IL1RAPL1: variants seen among roughly 807,000 people sequenced by gnomAD.
The protein encoded by IL1RAPL1 is interleukin 1 receptor accessory protein like 1.
In IL1RAPL1, 3 loss-of-function variants were observed where a neutral mutation model predicts 48.4. The observed-to-expected ratio is 0.06, with a 90% CI of 0.03 to 0.16. The LOEUF (loss-of-function observed/expected upper bound fraction) is 0.16, where lower values mean the gene tolerates loss of function less well. Among genes scored for constraint, IL1RAPL1 ranks in the 10% least tolerant of loss-of-function variants. The pLI is 1.00. For synonymous variants in IL1RAPL1, 185 were observed against 187.7 expected, an observed-to-expected ratio of 0.99 and a Z score of 0.12; for missense variants, 349 against 530.6, an observed-to-expected ratio of 0.66 and a Z score of 3.36.
intron 5 of IL1RAPL1, among the ~76,000 whole-genome samples, chrX:29,597,149 A>ATTTTTTTTTTTTTTTTTTTT (rs35180262): frequency 3.6e-5 from 2 of 55,969 alleles, no homozygotes; most frequent in African/African-American, 1.3e-4. Flanking sequence ...TTTGTTGAGG[A>ATTTTTTTTTTTTTTTTTTTT]TTTTTTTTTT....
chrX:29,387,915 C>T (rs1476407923), intron 3 of IL1RAPL1, among the ~76,000 whole-genome samples: 3 of 106,976 alleles, frequency 2.8e-5, no homozygotes, highest in Non-Finnish European at 5.8e-5. Context: ...ATTCCTTGAA[C>T]GTAGGAGGTG....
intron 6 of IL1RAPL1, among the ~76,000 whole-genome samples, chrX:29,879,878 G>A (rs755275572): frequency 1.6e-4 from 18 of 110,694 alleles, no homozygotes; most frequent in South Asian, 1.1e-3. Context: ...GACAAGTTCC[G>A]TAAGTGTAAA....
chrX:29,919,261 TG>T (rs1413253852), intron 7 of IL1RAPL1, among the ~76,000 whole-genome samples: 1 of 111,920 alleles, frequency 8.9e-6, no homozygotes, highest in Non-Finnish European at 1.9e-5. Context: ...CTAAAATAAA[TG>T]AAGGACAATT....
At chrX:29,354,300 A>T (rs768735942) in intron 3 of IL1RAPL1, among the ~76,000 whole-genome samples, 1 of 111,245 alleles carries the variant, frequency 9.0e-6, no homozygotes, top group African/African-American at 3.3e-5. Context: ...TGTTGATGAC[A>T]ATGACTACTT....
chrX:29,751,352 C>T (rs907867448), intron 6 of IL1RAPL1, among the ~76,000 whole-genome samples: 6 of 111,377 alleles, frequency 5.4e-5, no homozygotes, highest in Non-Finnish European at 9.4e-5. Context: ...AACTGCTTAT[C>T]ATTACTGAAT....
At chrX:29,095,810 T>C (rs1475196314) in intron 2 of IL1RAPL1, among the ~76,000 whole-genome samples, 2 of 108,931 alleles carry the variant, frequency 1.8e-5, no homozygotes, top group Admixed American at 9.9e-5. Flanking sequence ...GAGGGCTGCC[T>C]AGAGATAAGA....
chrX:29,584,008 C>G (rs1276719046), intron 5 of IL1RAPL1, among the ~76,000 whole-genome samples: 1 of 111,540 alleles, frequency 9.0e-6, no homozygotes, highest in African/African-American at 3.3e-5. Context: ...TAGATAGAGT[C>G]TAAGATTGCT....
rs758706873 is a variant in IL1RAPL1, at chrX:29,265,718, G to A, written c.83-17220G>A. 3.2e-3 allele frequency among the ~76,000 whole-genome samples: 317 copies of A among 99,976 alleles called. 2 individuals are homozygous for A. Among genetic ancestry groups the A allele is most frequent in the South Asian group, 0.012 (24 of 2,009 alleles). 86.8% of individuals were successfully genotyped at this position (99,976 alleles called of 115,157 possible). A position where few individuals can be genotyped will look rare whatever the true frequency, so the allele number is the denominator to read the frequency against. On this transcript the variant is annotated intron_variant, in intron 2 of 10. Coordinates refer to ENST00000378993, the MANE Select transcript of IL1RAPL1 (RefSeq NM_014271.4). ...TTCCCACCTATGAGTGAGAATATGC[G>A]GTGTTTGGTTTTTTGTTCTTGCGAT...
At chrX:29,676,058 G>A (rs1472131393) in intron 6 of IL1RAPL1, among the ~76,000 whole-genome samples, 2 of 111,297 alleles carry the variant, frequency 1.8e-5, no homozygotes, top group East Asian at 5.6e-4. Flanking sequence ...TACAGTAGTG[G>A]CTCCCAGTTG....
At chrX:28,906,412 A>G (rs1413757958) in intron 2 of IL1RAPL1, among the ~76,000 whole-genome samples, 4 of 111,985 alleles carry the variant, frequency 3.6e-5, no homozygotes, top group African/African-American at 1.3e-4. Context: ...AGTAAGTGGG[A>G]GTGTGGTAGG....
chrX:29,449,738 TACACACACACAC>T (rs539577442), intron 5 of IL1RAPL1, among the ~76,000 whole-genome samples: 10 of 63,926 alleles, frequency 1.6e-4, no homozygotes, highest in South Asian at 1.2e-3. Context: ...TACATATGCA[TACACACACACAC>T]ACACACACAC....
At chrX:29,439,775 A>G (rs1934521359) in intron 5 of IL1RAPL1, among the ~76,000 whole-genome samples, 2 of 109,528 alleles carry the variant, frequency 1.8e-5, no homozygotes, top group Admixed American at 9.8e-5. Flanking sequence ...TTAATGAGAA[A>G]ATGCTTCAGA....
At chrX:28,753,363 TATC>T (rs1211434363) in intron 1 of IL1RAPL1, among the ~76,000 whole-genome samples, 3 of 112,244 alleles carry the variant, frequency 2.7e-5, no homozygotes, top group Non-Finnish European at 5.6e-5. Context: ...TATGGGAAAA[TATC>T]ATCATACTGC....
chrX:29,114,667 G>A (rs1212312694), intron 2 of IL1RAPL1, among the ~76,000 whole-genome samples: 2 of 110,418 alleles, frequency 1.8e-5, no homozygotes, highest in Non-Finnish European at 3.8e-5. Flanking sequence ...CACTCTTGTT[G>A]GCCAGGCTGG....
intron 9 of IL1RAPL1, among the ~76,000 whole-genome samples, chrX:29,943,545 A>G (rs1011658666): frequency 8.9e-6 from 1 of 112,046 alleles, no homozygotes; most frequent in African/African-American, 3.2e-5. Context: ...TATTTTTTTT[A>G]AATTTAGTAT....
chrX:29,555,412 C>T (rs940099857), intron 5 of IL1RAPL1, among the ~76,000 whole-genome samples: 9 of 112,065 alleles, frequency 8.0e-5, no homozygotes, highest in Non-Finnish European at 1.5e-4. Flanking sequence ...ACATCCATTT[C>T]AAGGCAGACA....
rs193214429 is a variant in IL1RAPL1 at position 29,105,158 on chromosome X, G to T, written c.83-177780G>T. Among the ~76,000 whole-genome samples, 348 of 111,677 alleles carry T rather than the reference G, an allele frequency of 3.1e-3. 5 individuals are homozygous for T. The highest frequency in any genetic ancestry group is 0.03 in the Admixed American group (315 of 10,460). On this transcript the variant is annotated intron_variant, in intron 2 of 10. Coordinates refer to ENST00000378993, the MANE Select transcript of IL1RAPL1 (RefSeq NM_014271.4). ...ATTCTCTATATAAAGGAAGACATTG[G>T]AATTGAATGGCTTTGGGGTAATTGA...
At chrX:29,120,086 A>G (rs934558315) in intron 2 of IL1RAPL1, among the ~76,000 whole-genome samples, 21 of 111,768 alleles carry the variant, frequency 1.9e-4, no homozygotes, top group Non-Finnish European at 3.6e-4. Context: ...CTAACAGTCT[A>G]ATCACACAGA....
intron 2 of IL1RAPL1, among the ~76,000 whole-genome samples, chrX:29,143,353 G>A (rs1929282626): frequency 1.8e-5 from 2 of 111,920 alleles, no homozygotes; most frequent in Admixed American, 1.9e-4. Context: ...AGGAGAATCT[G>A]ATTCTAATTT....
Sources: gnomAD v4.1 joint callset for allele counts (sites outside exome capture counted in the v4.1 genomes callset) on GRCh38, gnomAD v4.1.1 for gene constraint, MANE v1.5 for transcripts, NCBI Gene and HGNC (gene_info 2026-07-23, HGNC 2026-07-21) for gene names.